Variants in TIAM1 observed in about 807,000 individuals in gnomAD.
TIAM1 encodes the protein TIAM Rac1 associated GEF 1.
A neutral mutation model predicts 163.5 loss-of-function variants in TIAM1; 65 were observed. That is an observed-to-expected ratio of 0.40 (90% confidence interval 0.33 to 0.49). TIAM1 has a LOEUF of 0.49. Among genes scored for constraint, TIAM1 ranks in the 20% least tolerant of loss-of-function variants. TIAM1 has a pLI of 0.77. For missense variants in TIAM1, 1,789 were observed against 2,044.7 expected (o/e 0.87, Z 2.41); for synonymous variants, 833 against 810.1 (o/e 1.03, Z -0.48).
At chr21:31,269,951 G>A (rs1181667501) in intron 3 of TIAM1, among the ~76,000 whole-genome samples, 3 of 152,286 alleles carry the variant, frequency 2.0e-5, no homozygotes, top group Middle Eastern at 6.8e-3. Flanking sequence ...GATTACAGGC[G>A]TGAGCCACCA....
intron 2 of TIAM1, among the ~76,000 whole-genome samples, chr21:31,446,821 A>G (rs778231065): frequency 6.6e-5 from 10 of 152,226 alleles, no homozygotes; most frequent in Non-Finnish European, 1.3e-4. Flanking sequence ...AATGCTAAGC[A>G]CAGAAAAGTT....
rs553191246 is a variant in TIAM1 at position 31,338,479 on chromosome 21, CA to C, written c.-189+763del. ...GTTGAAAAGAACAAGAGCAACTTCA[CA>C]TAGCTAGAAAGCCCCTTTTGGTCTA... On this transcript the variant is annotated intron_variant, in intron 2 of 27. Coordinates refer to ENST00000541036, the MANE Select transcript of TIAM1 (RefSeq NM_001353694.2). Among the ~76,000 whole-genome samples the C allele has an allele frequency of 6.6e-5, 10 of 152,322 alleles. 1 individual carries two copies. The South Asian group carries it at 2.1e-3, about 32-fold the overall frequency.
chr21:31,328,239 G>A (rs181649158), intron 2 of TIAM1, among the ~76,000 whole-genome samples: 1 of 152,236 alleles, frequency 6.6e-6, no homozygotes, highest in East Asian at 1.9e-4. Flanking sequence ...GGTACATGTT[G>A]TAACTACAGT....
chr21:31,508,305 G>T (rs910659752), intron 1 of TIAM1, among the ~76,000 whole-genome samples: 1 of 152,096 alleles, frequency 6.6e-6, no homozygotes, highest in African/African-American at 2.4e-5. Flanking sequence ...CGTAGTCCTA[G>T]GTTGGATTCT....
intron 2 of TIAM1, among the ~76,000 whole-genome samples, chr21:31,364,108 C>T (rs2076457722): frequency 1.3e-5 from 2 of 152,168 alleles, no homozygotes; most frequent in African/African-American, 4.8e-5. Context: ...GTGATTTCAG[C>T]ATTTTACAGG....
At chr21:31,309,570 A>G (rs2074846009) in intron 2 of TIAM1, among the ~76,000 whole-genome samples, 1 of 152,244 alleles carries the variant, frequency 6.6e-6, no homozygotes, top group South Asian at 2.1e-4. Flanking sequence ...AGGAAGAGTC[A>G]TGTGCCTAGA....
At chr21:31,189,998 T>C (rs1329062039) in intron 13 of TIAM1, among the ~76,000 whole-genome samples, 1 of 152,148 alleles carries the variant, frequency 6.6e-6, no homozygotes, top group African/African-American at 2.4e-5. Context: ...AATTATTCAA[T>C]ATAAACCTAT....
chr21:31,132,158 G>A (rs1375768084), intron 23 of TIAM1, among the ~76,000 whole-genome samples: 2 of 152,180 alleles, frequency 1.3e-5, no homozygotes, highest in African/African-American at 4.8e-5. Context: ...TCAGGGATGG[G>A]CCACCAGGCT....
intron 2 of TIAM1, among the ~76,000 whole-genome samples, chr21:31,392,303 G>T (rs1033959560): frequency 6.6e-6 from 1 of 152,096 alleles, no homozygotes; most frequent in Admixed American, 6.5e-5. Flanking sequence ...GGGCGCGGTG[G>T]CTCACGCCTG....
At chr21:31,541,158 T>C (rs1270633369) in intron 1 of TIAM1, among the ~76,000 whole-genome samples, 2 of 152,264 alleles carry the variant, frequency 1.3e-5, no homozygotes, top group South Asian at 2.1e-4. Flanking sequence ...GCAAACAATA[T>C]ATACTTAAAG....
chr21:31,464,435 G>A lies in TIAM1; in HGVS notation c.-421-400C>T, dbSNP rs140874423. On this transcript the variant is annotated intron_variant, in intron 1 of 28. Transcript: ENST00000286827. ...TAAGATGGTTAAAATTGCACCAGGC[G>A]CAGTGGTTCACACCCTAATCCCAGC... Among the ~76,000 whole-genome samples the A allele has an allele frequency of 6.0e-3, 909 of 152,104 alleles. 5 individuals are homozygous for A. The highest frequency in any genetic ancestry group is 9.3e-3 in the Admixed American group (142 of 15,260).
chr21:31,353,166 A>T (rs1250440879), intron 2 of TIAM1, among the ~76,000 whole-genome samples: 1 of 152,190 alleles, frequency 6.6e-6, no homozygotes. Flanking sequence ...ATTTCAACGC[A>T]TATCAAGAAA....
At chr21:31,412,794 A>G (rs561376087) in intron 2 of TIAM1, among the ~76,000 whole-genome samples, 1 of 149,852 alleles carries the variant, frequency 6.7e-6, no homozygotes, top group South Asian at 2.1e-4. Context: ...TAAAAAAAAA[A>G]AAAAAAAAAA....
chr21:31,202,782 G>A (rs2086266514), intron 12 of TIAM1, 126 bp downstream of exon 12: 1 of 857,706 alleles, frequency 1.2e-6, no homozygotes, highest in Non-Finnish European at 1.8e-6. Context: ...CCAACTTAAG[G>A]GCTATGAATG....
intron 2 of TIAM1, among the ~76,000 whole-genome samples, chr21:31,405,689 G>A (rs1457111008): frequency 6.6e-6 from 1 of 152,100 alleles, no homozygotes; most frequent in African/African-American, 2.4e-5. Context: ...CAGATCTCAT[G>A]AGACCCATTC....
chr21:31,195,714 A>G (rs939366342), intron 12 of TIAM1, among the ~76,000 whole-genome samples: 3 of 152,244 alleles, frequency 2.0e-5, no homozygotes, highest in South Asian at 4.1e-4. Flanking sequence ...AAAGTTCATC[A>G]TAGTACAAAT....
chr21:31,249,882 G>A (rs1038411541), intron 5 of TIAM1, among the ~76,000 whole-genome samples: 2 of 152,090 alleles, frequency 1.3e-5, no homozygotes, highest in Non-Finnish European at 2.9e-5. Flanking sequence ...CTAGGAGGCC[G>A]GGCACCAATG....
intron 2 of TIAM1, among the ~76,000 whole-genome samples, chr21:31,358,103 C>T (rs960986672): frequency 7.2e-5 from 11 of 152,128 alleles, no homozygotes; most frequent in Non-Finnish European, 7.3e-5. Context: ...AAGGCAGCCT[C>T]GAGCCTTCAG....
chr21:31,144,481 C>G (rs1285780150), intron 20 of TIAM1, among the ~76,000 whole-genome samples: 1 of 152,188 alleles, frequency 6.6e-6, no homozygotes, highest in Non-Finnish European at 1.5e-5. Flanking sequence ...CATGAACATG[C>G]ACTTTGTTGT....
Sources: gnomAD v4.1 joint callset for allele counts (sites outside exome capture counted in the v4.1 genomes callset) on GRCh38, gnomAD v4.1.1 for gene constraint, MANE v1.5 for transcripts, NCBI Gene and HGNC (gene_info 2026-07-23, HGNC 2026-07-21) for gene names.